The following ZNF420 variants were observed in gnomAD, a reference collection of about 807,000 sequenced individuals.
The protein encoded by ZNF420 is ATM and p53-associated KZNF protein.
Under a neutral mutation model 44.7 loss-of-function variants are expected in ZNF420, and 31 were observed. That is an observed-to-expected ratio of 0.69 (90% CI 0.52 to 0.94). ZNF420 has a LOEUF of 0.94. ZNF420 is among the 40% of genes least tolerant of loss of function. The pLI is 0.00. For missense variants in ZNF420, 681 were observed against 827.9 expected (o/e 0.82, Z 2.18); for synonymous variants, 245 against 267.4 (o/e 0.92, Z 0.82).
chr19:37,096,560 A>G (rs1170450994), intron 4 of ZNF420, among the ~76,000 whole-genome samples: 3 of 152,202 alleles, frequency 2.0e-5, no homozygotes, highest in Admixed American at 6.5e-5. Flanking sequence ...TGTTGAGGAA[A>G]GGTCTTGTCT....
rs761885680 is a variant in ZNF420, at chr19:37,129,057, G to T, written c.2066G>T (p.Ter689LeuextTer3). Reference sequence around the variant, plus strand: ...AGTCATGGCTCACAAGTTTACATGTGAATTGTCTGATTATTTGAGATCACT... The same window carrying T: ...AGTCATGGCTCACAAGTTTACATGTTAATTGTCTGATTATTTGAGATCACT... Reference protein sequence around the residue: ...DFSHGSQVYM* With the variant: ...DFSHGSQVYML The change falls in exon 5 of 5, where the codon TGA becomes TTA. Residue 689 changes from the stop codon to leucine, a stop_lost. Coordinates refer to ENST00000337995, the MANE Select transcript of ZNF420 (RefSeq NM_144689.5). 2 of 1,606,922 alleles carry T rather than the reference G, an allele frequency of 1.2e-6. No individual in the cohort carries two copies. The highest frequency in any genetic ancestry group is 2.2e-5 in the South Asian group (2 of 90,722).
At chr19:37,105,293 A>G (rs1306787622) in intron 4 of ZNF420, among the ~76,000 whole-genome samples, 1 of 152,150 alleles carries the variant, frequency 6.6e-6, no homozygotes, top group Non-Finnish European at 1.5e-5. Flanking sequence ...AGGTTTGTCA[A>G]AGATCAGATG....
intron 1 of ZNF420, among the ~76,000 whole-genome samples, chr19:37,065,282 T>C (rs368628913): frequency 1.2e-3 from 187 of 152,294 alleles, no homozygotes; most frequent in African/African-American, 4.3e-3. Flanking sequence ...CCCTTTAGCA[T>C]AGAGCTTGGT....
At chr19:37,040,757 G>C (rs943859570) in intron 1 of ZNF420, among the ~76,000 whole-genome samples, 4 of 152,110 alleles carry the variant, frequency 2.6e-5, no homozygotes, top group African/African-American at 9.7e-5. Context: ...GGGAAATGAA[G>C]ATCTCCATAC....
intron 1 of ZNF420, among the ~76,000 whole-genome samples, chr19:37,008,817 G>A (rs981493220): frequency 3.3e-5 from 5 of 152,192 alleles, no homozygotes; most frequent in Admixed American, 6.5e-5. Flanking sequence ...TTTCTGAGGG[G>A]TGCAGATGCT....
upstream of ZNF420, chr19:37,075,037 A>G (rs142953098): frequency 6.6e-6 from 1 of 152,364 alleles, no homozygotes; most frequent in East Asian, 1.9e-4. Context: ...AAGAAGTTCA[A>G]AATCATTTGC....
chr19:37,042,869 G>A (rs917955663), intron 1 of ZNF420, among the ~76,000 whole-genome samples: 10 of 152,158 alleles, frequency 6.6e-5, no homozygotes, highest in African/African-American at 2.4e-4. Flanking sequence ...AAAGACATGT[G>A]TCTTCCTTTA....
Position 37,064,133 on chromosome 19 carries a change from ACTC to A in ZNF420, c.-124-16209_-124-16207del, listed in dbSNP as rs528192273. Among the ~76,000 whole-genome samples, 6 of 152,240 alleles carry A rather than the reference ACTC, an allele frequency of 3.9e-5. No homozygotes were observed. The South Asian group carries it at 1.2e-3, about 32-fold the overall frequency. On this transcript the variant is annotated intron_variant, in intron 1 of 4. Transcript: ENST00000587029. ...GACATTCTATCCTATTACTGGTAAT[ACTC>A]CTTGATGAAAGAGCATTACATCTTA...
intron 1 of ZNF420, among the ~76,000 whole-genome samples, chr19:37,020,204 G>A (rs1440803563): frequency 7.5e-6 from 1 of 133,084 alleles, no homozygotes; most frequent in Non-Finnish European, 1.6e-5. Context: ...GCGACAGAGT[G>A]AGACTCCGTC....
chr19:37,024,669 C>T (rs1273907323), intron 1 of ZNF420, among the ~76,000 whole-genome samples: 4 of 152,084 alleles, frequency 2.6e-5, no homozygotes, highest in South Asian at 4.1e-4. Context: ...AGGCTGGTCT[C>T]GAACTCCTGA....
intron 1 of ZNF420, among the ~76,000 whole-genome samples, chr19:37,032,948 G>A (rs1967290340): frequency 6.6e-6 from 1 of 152,124 alleles, no homozygotes; most frequent in Non-Finnish European, 1.5e-5. Flanking sequence ...TGTAGCTGGT[G>A]GATATAGGAA....
chr19:37,085,394 T>C (rs1005515712), intron 2 of ZNF420, among the ~76,000 whole-genome samples: 1 of 152,214 alleles, frequency 6.6e-6, no homozygotes, highest in African/African-American at 2.4e-5. Context: ...CAGTTGTTAA[T>C]GAAGAGTCTG....
intron 4 of ZNF420, among the ~76,000 whole-genome samples, chr19:37,119,402 C>A (rs1170261412): frequency 2.0e-5 from 3 of 152,098 alleles, no homozygotes; most frequent in Non-Finnish European, 2.9e-5. Context: ...AGGCAGAAAT[C>A]AAGATGTTCT....
At position 37,130,034 on chromosome 19, in the gene ZNF420, C is replaced by T; in HGVS notation, c.*976C>T. On this transcript the variant is annotated 3_prime_UTR_variant, in exon 5 of 5. Transcript: ENST00000337995. ...TAACAAATTTCTGGGCTGAAAATCT[C>T]AGCCTTCCTTGCAGGTCAACAAGAT... 1.3e-6 allele frequency: 2 copies of T among 1,533,476 alleles called. No homozygotes were observed. Among genetic ancestry groups the T allele is most frequent in the Non-Finnish European group, 1.8e-6 (2 of 1,138,472 alleles). The allele number at this position is 1,533,476 out of a possible 1,614,324, so 95.0% of individuals were successfully genotyped here. A position where few individuals can be genotyped will look rare whatever the true frequency, so the allele number is the denominator to read the frequency against.
chr19:37,112,790 C>G (rs191417824), intron 4 of ZNF420, among the ~76,000 whole-genome samples: 2 of 152,336 alleles, frequency 1.3e-5, no homozygotes, highest in African/African-American at 4.8e-5. Context: ...ACTTTGTAGT[C>G]TGAATCAACC....
At chr19:37,056,866 C>G (rs1481716785) in intron 1 of ZNF420, among the ~76,000 whole-genome samples, 1 of 152,216 alleles carries the variant, frequency 6.6e-6, no homozygotes, top group African/African-American at 2.4e-5. Context: ...TCTCCCACGT[C>G]GCCGCCTACC....
intron 4 of ZNF420, among the ~76,000 whole-genome samples, chr19:37,123,365 T>C (rs919875805): frequency 1.1e-4 from 17 of 152,212 alleles, no homozygotes; most frequent in African/African-American, 4.1e-4. Context: ...CTCTGAACTT[T>C]AGGCCTTGAA....
At chr19:37,027,749 C>A (rs1395023729) in intron 1 of ZNF420, among the ~76,000 whole-genome samples, 1 of 152,140 alleles carries the variant, frequency 6.6e-6, no homozygotes, top group Admixed American at 6.5e-5. Flanking sequence ...TCTTTCCATG[C>A]CTTGGTGGTT....
chr19:37,127,028 C>G (rs1435871009), intron 4 of ZNF420, 100 bp from the exon 5 acceptor site: 1 of 1,009,810 alleles, frequency 9.9e-7, no homozygotes, highest in African/African-American at 1.7e-5. Context: ...GAAACAAACT[C>G]ATGTATGTCT....
Sources: gnomAD v4.1 joint callset for allele counts (sites outside exome capture counted in the v4.1 genomes callset) on GRCh38, gnomAD v4.1.1 for gene constraint, MANE v1.5 for transcripts, NCBI Gene and HGNC (gene_info 2026-07-23, HGNC 2026-07-21) for gene names.